Variants in RALYL observed in about 807,000 individuals in gnomAD.
RALYL encodes the protein RNA-binding Raly-like protein.
A neutral mutation model predicts 35.1 loss-of-function variants in RALYL; 29 were observed. The ratio of observed to expected loss-of-function variants is 0.83; its 90% CI spans 0.61 to 1.13. RALYL has a LOEUF of 1.13. Ranked by LOEUF, RALYL falls within the 50% of genes most tolerant of loss-of-function variation. The pLI is 0.00. For missense variants in RALYL, 359 were observed against 360.4 expected, an observed-to-expected ratio of 1.00 and a Z score of 0.03; for synonymous variants, 120 against 127.6, an observed-to-expected ratio of 0.94 and a Z score of 0.40.
chr8:84,879,789 T>C (rs890993384), intron 7 of RALYL, among the ~76,000 whole-genome samples: 6 of 152,008 alleles, frequency 3.9e-5, no homozygotes, highest in Non-Finnish European at 7.4e-5. Context: ...TGAGTTGTCC[T>C]TAGCAACTAG....
At chr8:84,621,141 C>G (rs145224304) in intron 2 of RALYL, among the ~76,000 whole-genome samples, 2,239 of 151,600 alleles carry the variant, frequency 0.015, 61 homozygotes, top group African/African-American at 0.051. Context: ...CCTGGCTGCT[C>G]TGTTTACCTA....
At chr8:84,647,767 A>G (rs773754123) in intron 2 of RALYL, among the ~76,000 whole-genome samples, 1 of 152,100 alleles carries the variant, frequency 6.6e-6, no homozygotes, top group Non-Finnish European at 1.5e-5. Flanking sequence ...TGTTATGGTG[A>G]TCATTATTAA....
At chr8:84,521,982 C>A (rs1414393505) in intron 1 of RALYL, among the ~76,000 whole-genome samples, 1 of 151,932 alleles carries the variant, frequency 6.6e-6, no homozygotes, top group Non-Finnish European at 1.5e-5. Flanking sequence ...TAATGCATTC[C>A]CATTATTCTA....
chr8:84,492,546 G>C (rs182950619), intron 1 of RALYL, among the ~76,000 whole-genome samples: 2 of 151,994 alleles, frequency 1.3e-5, no homozygotes, highest in Non-Finnish European at 2.9e-5. Context: ...TTTTTTATAT[G>C]TGTGTAGTGC....
At chr8:84,715,156 A>T (rs2132534586) in intron 2 of RALYL, among the ~76,000 whole-genome samples, 2 of 152,000 alleles carry the variant, frequency 1.3e-5, no homozygotes, top group Admixed American at 1.3e-4. Flanking sequence ...CCAAAGGGAA[A>T]ATTGAGTAGT....
At chr8:84,338,123 G>T (rs1848153631) in intron 1 of RALYL, among the ~76,000 whole-genome samples, 2 of 151,516 alleles carry the variant, frequency 1.3e-5, no homozygotes, top group Admixed American at 1.3e-4. Flanking sequence ...TTAAATACTA[G>T]GTATTTTTAG....
intron 2 of RALYL, among the ~76,000 whole-genome samples, chr8:84,754,737 A>T (rs1045620555): frequency 6.6e-6 from 1 of 152,140 alleles, no homozygotes; most frequent in Non-Finnish European, 1.5e-5. Flanking sequence ...CTTTTACTGA[A>T]TGGGGACAGA....
chr8:84,324,963 C>A (rs553937419), intron 1 of RALYL, among the ~76,000 whole-genome samples: 5 of 152,092 alleles, frequency 3.3e-5, no homozygotes, highest in Non-Finnish European at 7.4e-5. Flanking sequence ...TCCTTGGTAC[C>A]CTTAATTCTT....
intron 1 of RALYL, among the ~76,000 whole-genome samples, chr8:84,401,498 C>T (rs1270030597): frequency 1.3e-5 from 2 of 151,478 alleles, no homozygotes; most frequent in African/African-American, 2.4e-5. Flanking sequence ...ATTAGCCGGG[C>T]GCGGTGGCGG....
At chr8:84,854,751 G>A (rs1836626632) in intron 5 of RALYL, among the ~76,000 whole-genome samples, 1 of 152,236 alleles carries the variant, frequency 6.6e-6, no homozygotes, top group African/African-American at 2.4e-5. Flanking sequence ...ACTGCAGGAA[G>A]CTGCTACCAC....
At chr8:84,866,917 A>G (rs1839280803) in intron 6 of RALYL, among the ~76,000 whole-genome samples, 1 of 152,174 alleles carries the variant, frequency 6.6e-6, no homozygotes, top group Non-Finnish European at 1.5e-5. Flanking sequence ...CCTGCTCAAA[A>G]TGATATTTTA....
chr8:84,842,026 A>C (rs987279008), intron 4 of RALYL, among the ~76,000 whole-genome samples: 1 of 152,234 alleles, frequency 6.6e-6, no homozygotes, highest in Non-Finnish European at 1.5e-5. Context: ...GAAAGATCTA[A>C]AATTGACACC....
intron 1 of RALYL, among the ~76,000 whole-genome samples, chr8:84,402,461 G>A (rs375035221): frequency 1.3e-5 from 2 of 151,902 alleles, no homozygotes; most frequent in Non-Finnish European, 2.9e-5. Context: ...GGCAGCTTTC[G>A]GAGCTTCTCT....
intron 1 of RALYL, among the ~76,000 whole-genome samples, chr8:84,347,628 T>C (rs1324905486): frequency 1.3e-5 from 2 of 152,140 alleles, no homozygotes; most frequent in East Asian, 3.9e-4. Context: ...TGCTTCACCT[T>C]GGTTCTAATC....
chr8:84,646,141 T>C (rs1827441407), intron 2 of RALYL, among the ~76,000 whole-genome samples: 1 of 151,978 alleles, frequency 6.6e-6, no homozygotes, highest in South Asian at 2.1e-4. Context: ...TTAGCTTCCA[T>C]TTCAAGCATC....
chr8:84,311,959 A>G (rs1416667391), intron 1 of RALYL, among the ~76,000 whole-genome samples: 2 of 152,198 alleles, frequency 1.3e-5, no homozygotes, highest in Non-Finnish European at 2.9e-5. Context: ...TGAGTGTATT[A>G]GTCCATTCTC....
chr8:84,577,075 C>T (rs1217884614), intron 2 of RALYL, among the ~76,000 whole-genome samples: 1 of 152,186 alleles, frequency 6.6e-6, no homozygotes, highest in Non-Finnish European at 1.5e-5. Flanking sequence ...AACCACTTCA[C>T]ACAGCTTTTA....
At chr8:84,410,268 C>T (rs780462683) in intron 1 of RALYL, among the ~76,000 whole-genome samples, 2 of 151,830 alleles carry the variant, frequency 1.3e-5, no homozygotes, top group Non-Finnish European at 2.9e-5. Context: ...ACCGGATTGC[C>T]TAGGTTCAAA....
chr8:84,682,526 T>C (rs533653403), intron 2 of RALYL, among the ~76,000 whole-genome samples: 19 of 152,308 alleles, frequency 1.2e-4, no homozygotes, highest in African/African-American at 4.3e-4. Flanking sequence ...GAGCCTGTTA[T>C]TGGTCTATTC....
Sources: gnomAD v4.1 joint callset for allele counts (sites outside exome capture counted in the v4.1 genomes callset) on GRCh38, gnomAD v4.1.1 for gene constraint, MANE v1.5 for transcripts, NCBI Gene and HGNC (gene_info 2026-07-23, HGNC 2026-07-21) for gene names.